Variants in THRB observed in about 807,000 individuals in gnomAD.
THRB encodes nuclear receptor subfamily 1 group A member 2.
In THRB, 12 loss-of-function variants were observed where a neutral mutation model predicts 47.8. The observed-to-expected ratio is 0.25, with a 90% confidence interval of 0.16 to 0.41. The LOEUF (loss-of-function observed/expected upper bound fraction) is 0.41, where lower values mean the gene tolerates loss of function less well. Ranked by LOEUF, THRB falls within the 10% of genes least tolerant of loss-of-function variation. The pLI is 1.00. For missense variants in THRB, 348 were observed against 589.2 expected, an observed-to-expected ratio of 0.59 and a Z score of 4.24; for synonymous variants, 218 against 212.2, an observed-to-expected ratio of 1.03 and a Z score of -0.24.
intron 6 of THRB, among the ~76,000 whole-genome samples, chr3:24,150,434 G>A (rs1026580396): frequency 2.6e-5 from 4 of 152,050 alleles, no homozygotes; most frequent in African/African-American, 9.7e-5. Context: ...TACAATGAAG[G>A]CAACCCTAGA....
chr3:24,225,689 G>A (rs1205165862), intron 4 of THRB, among the ~76,000 whole-genome samples: 1 of 152,162 alleles, frequency 6.6e-6, no homozygotes, highest in Non-Finnish European at 1.5e-5. Context: ...TCCCTATGCT[G>A]AGGATCACGG....
chr3:24,280,378 T>A lies in THRB; in HGVS notation c.-43+16848A>T, dbSNP rs561240852. On this transcript the variant is annotated intron_variant, in intron 3 of 10. Coordinates refer to ENST00000646209, the MANE Select transcript of THRB (RefSeq NM_001354712.2). ...CCAACAGACCTGCAGCTGAGGGTCC[T>A]CTCTGTTAGAAGGAAAACTAACAAA... Among the ~76,000 whole-genome samples, 6 of 152,234 alleles carry A rather than the reference T, an allele frequency of 3.9e-5. No homozygotes were observed. The South Asian group carries it at 1.2e-3, about 32-fold the overall frequency.
intron 3 of THRB, among the ~76,000 whole-genome samples, chr3:24,293,657 G>A (rs1298301697): frequency 3.9e-5 from 6 of 152,168 alleles, no homozygotes; most frequent in African/African-American, 1.4e-4. Flanking sequence ...GATGAATTCA[G>A]TTCATTCAAA....
chr3:24,450,180 A>G (rs4569583), intron 1 of THRB, among the ~76,000 whole-genome samples: 146,124 of 152,292 alleles, frequency 0.96, 70,317 homozygotes, highest in Non-Finnish European at 1. Flanking sequence ...AAACTTCCAC[A>G]GGTATAATGT....
intron 1 of THRB, among the ~76,000 whole-genome samples, chr3:24,442,835 A>AAAC (rs2071676100): frequency 2.0e-5 from 3 of 150,574 alleles, no homozygotes; most frequent in Non-Finnish European, 3.0e-5. Context: ...AAAAAAAAAA[A>AAAC]AAAAACAAAA....
intron 2 of THRB, among the ~76,000 whole-genome samples, chr3:24,299,294 T>C (rs992352860): frequency 1.4e-5 from 2 of 144,842 alleles, no homozygotes; most frequent in Non-Finnish European, 3.0e-5. Context: ...TCAGGTTCAC[T>C]GTAGAATAAA....
chr3:24,357,698 G>T (rs2063786913), intron 1 of THRB, among the ~76,000 whole-genome samples: 1 of 151,994 alleles, frequency 6.6e-6, no homozygotes, highest in Admixed American at 6.6e-5. Flanking sequence ...TTCTGAGGGG[G>T]TTACACAGTA....
intron 1 of THRB, among the ~76,000 whole-genome samples, chr3:24,477,603 G>C (rs934356070): frequency 6.6e-6 from 1 of 152,076 alleles, no homozygotes; most frequent in Admixed American, 6.6e-5. Flanking sequence ...TGAGGAGATT[G>C]AGAGGAACAG....
intron 3 of THRB, among the ~76,000 whole-genome samples, chr3:24,291,643 A>T (rs1258105289): frequency 6.6e-6 from 1 of 152,194 alleles, no homozygotes; most frequent in East Asian, 1.9e-4. Flanking sequence ...AGGTTTATAC[A>T]TGTTTAGTAT....
intron 4 of THRB, among the ~76,000 whole-genome samples, chr3:24,194,370 A>G (rs1366605092): frequency 6.6e-6 from 1 of 152,160 alleles, no homozygotes; most frequent in Non-Finnish European, 1.5e-5. Flanking sequence ...AAAAACGAGC[A>G]TTCTAGAAAC....
At chr3:24,221,833 A>G (rs943239896) in intron 4 of THRB, among the ~76,000 whole-genome samples, 2 of 152,086 alleles carry the variant, frequency 1.3e-5, no homozygotes, top group African/African-American at 4.8e-5. Context: ...ATTTGGTGAG[A>G]TTTTGTTAAT....
At chr3:24,213,607 G>C (rs1476271753) in intron 4 of THRB, among the ~76,000 whole-genome samples, 1 of 152,160 alleles carries the variant, frequency 6.6e-6, no homozygotes, top group Admixed American at 6.5e-5. Context: ...GTATTGTGGA[G>C]GGAGGCCCTA....
intron 9 of THRB, among the ~76,000 whole-genome samples, chr3:24,129,875 C>T (rs192039875): frequency 6.6e-6 from 1 of 152,164 alleles, no homozygotes; most frequent in African/African-American, 2.4e-5. Flanking sequence ...CTTGTGAAGC[C>T]CCTGGTGTCA....
intron 1 of THRB, among the ~76,000 whole-genome samples, chr3:24,375,372 G>A (rs899819872): frequency 7.1e-6 from 1 of 140,666 alleles, no homozygotes; most frequent in African/African-American, 2.6e-5. Flanking sequence ...ATTATATTTA[G>A]ACATATAATA....
chr3:24,291,377 A>G (rs140565127), intron 3 of THRB, among the ~76,000 whole-genome samples: 4 of 152,282 alleles, frequency 2.6e-5, no homozygotes, highest in East Asian at 1.9e-4. Context: ...TCAAAGCTTC[A>G]TCAGTGTTTC....
chr3:24,314,607 G>A (rs763692904), intron 2 of THRB, among the ~76,000 whole-genome samples: 1 of 152,190 alleles, frequency 6.6e-6, no homozygotes, highest in African/African-American at 2.4e-5. Context: ...TACAGGACAA[G>A]TGTCTTCCTT....
chr3:24,148,146 A>C (rs1437515919), intron 6 of THRB, among the ~76,000 whole-genome samples: 1 of 152,190 alleles, frequency 6.6e-6, no homozygotes, highest in African/African-American at 2.4e-5. Context: ...ATTTTTTTTG[A>C]GACAGAGTCT....
chr3:24,221,952 A>G (rs1444903816), intron 4 of THRB, among the ~76,000 whole-genome samples: 1 of 152,242 alleles, frequency 6.6e-6, no homozygotes, highest in Non-Finnish European at 1.5e-5. Context: ...CAGTCAGAGC[A>G]CAAGAGGACC....
At chr3:24,315,003 C>T (rs539409920) in intron 2 of THRB, among the ~76,000 whole-genome samples, 2 of 152,288 alleles carry the variant, frequency 1.3e-5, no homozygotes, top group African/African-American at 2.4e-5. Context: ...TCCCTGCCCC[C>T]GACGGAAAAG....
Sources: allele counts gnomAD v4.1 joint callset (sites outside exome capture counted in the v4.1 genomes callset), GRCh38; gene constraint gnomAD v4.1.1; transcripts MANE v1.5; gene names NCBI Gene and HGNC (gene_info 2026-07-23, HGNC 2026-07-21).